The following IRF2 variants were observed in gnomAD, a reference collection of about 807,000 sequenced individuals.
IRF2 encodes interferon regulatory factor 2.
Under a neutral mutation model 40.6 loss-of-function variants are expected in IRF2, and 15 were observed. The ratio of observed to expected loss-of-function variants is 0.37; its 90% confidence interval spans 0.25 to 0.57. The LOEUF (loss-of-function observed/expected upper bound fraction) is 0.57. IRF2 is among the 20% of genes least tolerant of loss of function. The pLI, the probability that IRF2 is intolerant of heterozygous loss-of-function variation, is 0.77. For synonymous variants in IRF2, 151 were observed against 165.5 expected, an observed-to-expected ratio of 0.91 and a Z score of 0.67; for missense variants, 317 against 455.7, an observed-to-expected ratio of 0.70 and a Z score of 2.77.
Position 184,474,107 on chromosome 4 carries a change from T to TCCG in IRF2, c.-7+271_-7+272insCGG, listed in dbSNP as rs1739637589. On this transcript the variant is annotated intron_variant, in intron 1 of 8. Transcript: ENST00000393593. The surrounding 1 kb of genome is among the most constrained non-coding windows in gnomAD (Gnocchi z 5.6). Reference sequence around the variant, plus strand: ...CTCCTCCTCCTCCTCCCTCTCTACCTCCTCCTCCTCCTCCTCCTCGCAGCC... The same window carrying TCCG: ...CTCCTCCTCCTCCTCCCTCTCTACCTCCGCCTCCTCCTCCTCCTCCTCGCAGCC... 6.7e-6 allele frequency: 1 copy of TCCG among 149,420 alleles called. No individual in the cohort carries two copies. Among genetic ancestry groups the TCCG allele is most frequent in the African/African-American group, 2.5e-5 (1 of 39,228 alleles). 9.3% of individuals were successfully genotyped at this position (149,420 alleles called of 1,614,324 possible). A position where few individuals can be genotyped will look rare whatever the true frequency, so the allele number is the denominator to read the frequency against.
intron 1 of IRF2, among the ~76,000 whole-genome samples, chr4:184,463,617 C>T (rs767368078): frequency 1.3e-5 from 2 of 151,926 alleles, no homozygotes; most frequent in Non-Finnish European, 2.9e-5. Flanking sequence ...ACATGTGGCT[C>T]ACATTATATT....
At chr4:184,457,293 C>A (rs1561126633) in intron 1 of IRF2, among the ~76,000 whole-genome samples, 1 of 152,236 alleles carries the variant, frequency 6.6e-6, no homozygotes, top group African/African-American at 2.4e-5. Context: ...GGGGCTCCCT[C>A]CAGTTCCTGA....
intron 1 of IRF2, among the ~76,000 whole-genome samples, chr4:184,437,422 CTCCT>C (rs1222715688): frequency 6.6e-6 from 1 of 152,128 alleles, no homozygotes; most frequent in Non-Finnish European, 1.5e-5. Flanking sequence ...TTGGTTTGAA[CTCCT>C]GGCCTCAAGT....
At position 184,463,659 on chromosome 4, in the gene IRF2, T is replaced by TA. The variant is rs199751663; in HGVS notation, c.-7+10719_-7+10720insT. Among the ~76,000 whole-genome samples, 227 of 142,874 alleles carry TA rather than the reference T, an allele frequency of 1.6e-3. 3 individuals are homozygous for TA. The highest frequency in any genetic ancestry group is 4.9e-3 in the South Asian group (22 of 4,472). 93.7% of individuals were successfully genotyped at this position (142,874 alleles called of 152,430 possible). A position where few individuals can be genotyped will look rare whatever the true frequency, so the allele number is the denominator to read the frequency against. On this transcript the variant is annotated intron_variant, in intron 1 of 8. Coordinates refer to ENST00000393593, the MANE Select transcript of IRF2 (RefSeq NM_002199.4). ...GGACAATATCGTGCATATATATATA[T>TA]TTTTTTTTTGATGGGCTGTGGTACG...
At chr4:184,432,317 C>G (rs1172706693) in intron 1 of IRF2, among the ~76,000 whole-genome samples, 4 of 152,262 alleles carry the variant, frequency 2.6e-5, no homozygotes, top group African/African-American at 9.6e-5. Flanking sequence ...CACACTCTGC[C>G]TTCCCGCTCT....
chr4:184,422,614 A>G (rs2149901716), intron 2 of IRF2, among the ~76,000 whole-genome samples: 1 of 152,390 alleles, frequency 6.6e-6, no homozygotes, highest in Admixed American at 6.5e-5. Context: ...GGAATAGAGT[A>G]TTGACACATG....
intron 1 of IRF2, among the ~76,000 whole-genome samples, chr4:184,452,196 G>A (rs888873125): frequency 6.6e-6 from 1 of 152,190 alleles, no homozygotes; most frequent in Non-Finnish European, 1.5e-5. Context: ...AGGTGACAGG[G>A]GCAACGACAG....
chr4:184,438,077 T>C (rs1450014458), intron 1 of IRF2, among the ~76,000 whole-genome samples: 1 of 152,222 alleles, frequency 6.6e-6, no homozygotes, highest in Admixed American at 6.5e-5. Flanking sequence ...ATTAATACCA[T>C]TCCAGCCCTA....
chr4:184,473,903 C>G (rs1481009152), intron 1 of IRF2: 1 of 152,070 alleles, frequency 6.6e-6, no homozygotes, highest in African/African-American at 2.4e-5. Flanking sequence ...CACACACACA[C>G]GCGCGCACAC....
At position 184,418,172 on chromosome 4, in the gene IRF2, T is replaced by A. The variant is rs1263937636; in HGVS notation, c.406A>T (p.Ile136Phe). 6.2e-7 allele frequency: 1 copy of A among 1,613,472 alleles called. No individual in the cohort carries two copies. Among genetic ancestry groups the A allele is most frequent in the Non-Finnish European group, 8.5e-7 (1 of 1,179,448 alleles). Reference protein sequence around the residue: ...KTEKEDKVKHIKQEPVESSLG... With the variant: ...KTEKEDKVKHFKQEPVESSLG... ...TCTGAATCACCCAAGATTACCTTGATGTGCTTAACTTTGTCTTCTTTTTCT... is the reference window on the plus strand; with the variant it reads ...TCTGAATCACCCAAGATTACCTTGAAGTGCTTAACTTTGTCTTCTTTTTCT... Residue 136 changes from isoleucine (I) to phenylalanine (F), a missense_variant, in exon 5 of 9, where the codon ATC becomes TTC. Physicochemically the swap from Ile to Phe is conservative, Grantham distance 21 (BLOSUM62 0). Around this residue, in one of 2 missense-constraint regions of IRF2, gnomAD observed 262 missense variants for 334.0 expected, o/e 0.78. Coordinates refer to ENST00000393593, the MANE Select transcript of IRF2 (RefSeq NM_002199.4).
intron 1 of IRF2, among the ~76,000 whole-genome samples, chr4:184,440,463 G>A (rs775300991): frequency 9.9e-5 from 15 of 152,240 alleles, no homozygotes; most frequent in Non-Finnish European, 1.5e-4. Context: ...GGGCCTCCCC[G>A]GCCCCATTCT....
chr4:184,428,741 G>A, intron 2 of IRF2: 1 of 563,030 alleles, frequency 1.8e-6, no homozygotes, highest in Non-Finnish European at 3.4e-6. Context: ...CGAGGCTGCA[G>A]TGAGTTATGA....
At chr4:184,427,479 C>T (rs923694302) in intron 2 of IRF2, among the ~76,000 whole-genome samples, 2 of 152,150 alleles carry the variant, frequency 1.3e-5, no homozygotes, top group Non-Finnish European at 2.9e-5. Flanking sequence ...CATAGTGAAA[C>T]CCCATCTCTA....
At chr4:184,445,440 G>A (rs2149910762) in intron 1 of IRF2, among the ~76,000 whole-genome samples, 1 of 151,318 alleles carries the variant, frequency 6.6e-6, no homozygotes, top group South Asian at 2.1e-4. Context: ...GATTACGTGA[G>A]CTCAAGAGAT....
At chr4:184,410,888 C>T (rs1457023171) in intron 5 of IRF2, among the ~76,000 whole-genome samples, 1 of 152,064 alleles carries the variant, frequency 6.6e-6, no homozygotes, top group African/African-American at 2.4e-5. Context: ...ATTAATTTTC[C>T]AAGATCACGC....
chr4:184,443,583 AT>A, intron 1 of IRF2, among the ~76,000 whole-genome samples: 1 of 150,906 alleles, frequency 6.6e-6, no homozygotes, highest in Non-Finnish European at 1.5e-5. Flanking sequence ...CATAGTGTAT[AT>A]ATACCATATT....
intron 5 of IRF2, among the ~76,000 whole-genome samples, chr4:184,414,384 C>T (rs1415558432): frequency 1.3e-5 from 2 of 152,160 alleles, no homozygotes; most frequent in African/African-American, 4.8e-5. Context: ...CTCTGTTGCC[C>T]AGGCTGGAGC....
chr4:184,449,895 G>A (rs573347762), intron 1 of IRF2, among the ~76,000 whole-genome samples: 8 of 152,072 alleles, frequency 5.3e-5, no homozygotes, highest in Non-Finnish European at 1.2e-4. Flanking sequence ...ATGTGAATGG[G>A]GTCTCATTAA....
intron 1 of IRF2, among the ~76,000 whole-genome samples, chr4:184,467,551 T>C (rs1739371908): frequency 6.6e-6 from 1 of 152,202 alleles, no homozygotes; most frequent in Non-Finnish European, 1.5e-5. Context: ...TTACTTGAAA[T>C]AAAGCAATTT....
Sources: gnomAD v4.1 joint callset for allele counts (sites outside exome capture counted in the v4.1 genomes callset) on GRCh38, gnomAD v4.1.1 for gene constraint, gnomAD v4.1.1 regional missense constraint, Gnocchi (gnomAD v3.1) non-coding constraint, MANE v1.5 for transcripts, NCBI Gene and HGNC (gene_info 2026-07-23, HGNC 2026-07-21) for gene names.